LEPROTL1: variants seen among roughly 807,000 people sequenced by gnomAD.
LEPROTL1 encodes the protein leptin receptor overlapping transcript-like 1.
LEPROTL1 carries 6 observed loss-of-function variants against 15.4 expected under a neutral mutation model. The ratio of observed to expected loss-of-function variants is 0.39; its 90% CI spans 0.21 to 0.77. The LOEUF is 0.77. LEPROTL1 is among the 30% of genes least tolerant of loss of function. LEPROTL1 has a pLI of 0.41. For synonymous variants in LEPROTL1, 56 were observed against 52.6 expected (o/e 1.06, Z -0.28); for missense variants, 128 against 158.1 (o/e 0.81, Z 1.02).
chr8:30,113,943 G>A (rs963449347), intron 3 of LEPROTL1, among the ~76,000 whole-genome samples: 1 of 152,130 alleles, frequency 6.6e-6, no homozygotes, highest in African/African-American at 2.4e-5. Context: ...ACCGGCCTAG[G>A]GAGACCCTAG....
chr8:30,112,105 A>G (rs960562813), downstream of LEPROTL1, among the ~76,000 whole-genome samples: 12 of 152,336 alleles, frequency 7.9e-5, no homozygotes, highest in African/African-American at 2.9e-4. Flanking sequence ...AATAAAAATC[A>G]AGGTTCTGGA....
chr8:30,105,633 A>G, intron 3 of LEPROTL1, 113 bp from the exon 4 acceptor site: 2 of 654,728 alleles, frequency 3.1e-6, no homozygotes, highest in African/African-American at 3.8e-5. Context: ...AATTATTGTT[A>G]CAAGGCATGC....
chr8:30,102,046 T>A lies in LEPROTL1; in HGVS notation c.92+73T>A. On this transcript the variant is annotated intron_variant, in intron 2 of 3. Transcript: ENST00000321250. Reference sequence around the variant, plus strand: ...TACTTTTAAAGCTTAAAAAAATGTTTTTTTACTACTGTAAAAGTAATGCAG... The same window carrying A: ...TACTTTTAAAGCTTAAAAAAATGTTATTTTACTACTGTAAAAGTAATGCAG... 3 of 869,834 alleles carry A rather than the reference T, an allele frequency of 3.4e-6. No individual in the cohort carries two copies. In the South Asian group the frequency reaches 4.6e-5, roughly 13 times the overall value. 53.9% of individuals were successfully genotyped at this position (869,834 alleles called of 1,614,324 possible).
chr8:30,095,691 T>A, intron 1 of LEPROTL1, 163 bp downstream of exon 1: 1 of 717,648 alleles, frequency 1.4e-6, no homozygotes, highest in Non-Finnish European at 2.3e-6. Flanking sequence ...GGCCCGGAGG[T>A]GGGCGCGGCG....
At chr8:30,097,078 C>A (rs184662079) in intron 1 of LEPROTL1, among the ~76,000 whole-genome samples, 175 of 152,320 alleles carry the variant, frequency 1.1e-3, no homozygotes, top group Non-Finnish European at 2.0e-3. Flanking sequence ...CTGCTCCATG[C>A]CTAGCCTAGA....
intron 3 of LEPROTL1, among the ~76,000 whole-genome samples, chr8:30,129,985 AC>A (rs942037560): frequency 3.3e-5 from 5 of 152,156 alleles, no homozygotes; most frequent in Non-Finnish European, 5.9e-5. Context: ...AAGCTCACTC[AC>A]TATTATGAGA....
In LEPROTL1 at chr8:30,123,204, G is replaced by A. The variant is rs116831677; in HGVS notation, c.280-9171G>A. Among the ~76,000 whole-genome samples the A allele has an allele frequency of 4.0e-3, 605 of 152,286 alleles. 8 individuals carry two copies. Among genetic ancestry groups the A allele is most frequent in the African/African-American group, 0.013 (560 of 41,560 alleles). ...TGAATCATCCCAAGAAAACCAGTCAGAAGTGTATGGATATTTTATGACCTA... is the reference window on the plus strand; with the variant it reads ...TGAATCATCCCAAGAAAACCAGTCAAAAGTGTATGGATATTTTATGACCTA... On this transcript the variant is annotated intron_variant, in intron 3 of 4. Transcript: ENST00000442880.
At chr8:30,137,091 G>A (rs78621504) in intron 4 of LEPROTL1, among the ~76,000 whole-genome samples, 3,750 of 152,160 alleles carry the variant, frequency 0.025, 169 homozygotes, top group African/African-American at 0.086. Context: ...ATAGGTGACC[G>A]CCTGGAGCAT....
At chr8:30,109,695 A>G (rs1802626897), downstream of LEPROTL1, among the ~76,000 whole-genome samples, 1 of 152,110 alleles carries the variant, frequency 6.6e-6, no homozygotes, top group South Asian at 2.1e-4. Flanking sequence ...TATATTAGGA[A>G]GAGTGGAAAG....
At chr8:30,125,994 T>C (rs147030349) in intron 3 of LEPROTL1, among the ~76,000 whole-genome samples, 114 of 152,336 alleles carry the variant, frequency 7.5e-4, no homozygotes, top group African/African-American at 2.6e-3. Flanking sequence ...GAGAATCAAG[T>C]TTCCTGAACC....
At chr8:30,095,789 C>A (rs1013468612) in intron 1 of LEPROTL1, 8 of 700,258 alleles carry the variant, frequency 1.1e-5, no homozygotes, top group Non-Finnish European at 2.1e-5. Context: ...CCACCCATCG[C>A]CCCCCGGACA....
intron 4 of LEPROTL1, chr8:30,132,574 A>C: frequency 6.4e-7 from 1 of 1,551,708 alleles, no homozygotes; most frequent in Non-Finnish European, 8.7e-7. Context: ...TCCTGCATCC[A>C]CCACCCTGCT....
downstream of LEPROTL1, among the ~76,000 whole-genome samples, chr8:30,112,401 A>ATTTTTTTTTTTTTTTTTTTTTTT (rs10684450): frequency 9.3e-4 from 26 of 27,886 alleles, 9 homozygotes; most frequent in South Asian, 3.1e-3. Context: ...TGCCCAGCTA[A>ATTTTTTTTTTTTTTTTTTTTTTT]TTTTTTTTTT....
exon 5 of LEPROTL1, chr8:30,137,464 C>G: frequency 1.3e-6 from 2 of 1,551,700 alleles, no homozygotes; most frequent in Non-Finnish European, 1.7e-6. Context: ...TCTGTGGGCT[C>G]TAGGATTCCT....
In LEPROTL1 at chr8:30,095,988, C is replaced by T. The variant is rs972773142; in HGVS notation, c.16+460C>T. ...GAAAGGCACAAGTGCGGTCTGCGGGCGCTGCACGGGTCTGCCCGAAACCTC... is the reference window on the plus strand; with the variant it reads ...GAAAGGCACAAGTGCGGTCTGCGGGTGCTGCACGGGTCTGCCCGAAACCTC... On this transcript the variant is annotated intron_variant, in intron 1 of 3. Coordinates refer to ENST00000321250, the MANE Select transcript of LEPROTL1 (RefSeq NM_015344.3). The T allele has an allele frequency of 5.0e-5, 33 of 662,298 alleles. No homozygotes were observed. In the African/African-American group the frequency reaches 5.9e-4, roughly 12 times the overall value. The allele number at this position is 662,298 out of a possible 1,614,324, so 41.0% of individuals were successfully genotyped here. A position where few individuals can be genotyped will look rare whatever the true frequency, so the allele number is the denominator to read the frequency against.
chr8:30,101,482 A>T (rs1802465227), intron 1 of LEPROTL1, among the ~76,000 whole-genome samples: 1 of 152,156 alleles, frequency 6.6e-6, no homozygotes, highest in South Asian at 2.1e-4. Flanking sequence ...AGCCTGACCA[A>T]CATGGAGAAA....
At chr8:30,120,371 G>A (rs917851622) in intron 3 of LEPROTL1, among the ~76,000 whole-genome samples, 1 of 152,076 alleles carries the variant, frequency 6.6e-6, no homozygotes, top group African/African-American at 2.4e-5. Flanking sequence ...GACTGCATGT[G>A]CATAAGATGT....
Position 30,133,904 on chromosome 8 carries a change from T to C in LEPROTL1, c.394+1415T>C, listed in dbSNP as rs547926951. 3.3e-5 allele frequency among the ~76,000 whole-genome samples: 5 copies of C among 152,146 alleles called. No individual in the cohort carries two copies. In the South Asian group the frequency reaches 1.0e-3, roughly 32 times the overall value. On this transcript the variant is annotated intron_variant, in intron 4 of 4. Coordinates refer to the LEPROTL1 transcript ENST00000442880. ...AGGAAAAGGTATGAAGAGAGGGTTCTCAATGCTTGTATGTCTGATAACAAA... is the reference window on the plus strand; with the variant it reads ...AGGAAAAGGTATGAAGAGAGGGTTCCCAATGCTTGTATGTCTGATAACAAA...
chr8:30,106,959 T>C lies in LEPROTL1; in HGVS notation c.*1097T>C. The C allele has an allele frequency of 5.1e-6, 5 of 985,706 alleles. No individual in the cohort carries two copies. Among genetic ancestry groups the C allele is most frequent in the Non-Finnish European group, 6.0e-6 (5 of 829,860 alleles). 61.1% of individuals were successfully genotyped at this position (985,706 alleles called of 1,614,324 possible). On this transcript the variant is annotated 3_prime_UTR_variant, in exon 4 of 4. Transcript: ENST00000321250. ...CGTACATTCAGAGTGCCCCCTCCCC[T>C]GCAAGGCCTTGCCATGATTAACAAG... is the stretch of plus-strand genomic sequence containing the variant.
Sources: allele counts gnomAD v4.1 joint callset (sites outside exome capture counted in the v4.1 genomes callset), GRCh38; gene constraint gnomAD v4.1.1; transcripts MANE v1.5; gene names NCBI Gene and HGNC (gene_info 2026-07-23, HGNC 2026-07-21).